TUBGCP6: variants seen among roughly 807,000 people sequenced by gnomAD.
TUBGCP6 encodes gamma-tubulin complex component 6.
TUBGCP6 carries 161 observed loss-of-function variants against 175.8 expected under a neutral mutation model. The observed-to-expected ratio is 0.92, with a 90% confidence interval of 0.81 to 1.04. The LOEUF (loss-of-function observed/expected upper bound fraction) is 1.04, where lower values mean the gene tolerates loss of function less well. Among genes scored for constraint, TUBGCP6 ranks in the 50% least tolerant of loss-of-function variants. The probability of loss-of-function intolerance (pLI) is 0.00; values close to 1 mark genes in which losing one functional copy is unlikely to be tolerated. For synonymous variants in TUBGCP6, 1,173 were observed against 1,030.5 expected (o/e 1.14, Z -2.65); for missense variants, 2,572 against 2,433.0 (o/e 1.06, Z -1.20).
chr22:50,220,014 G>A lies in TUBGCP6; in HGVS notation c.4110C>T (p.Gly1370=), dbSNP rs2064489367. ...CCTCAGTGTCCCCGCTCCTCCCAGG[G>A]CCTGTGTGGACACAAGTGGACACGA... ...TPGDSVSEEL[G]PGRSGDTEDL... is the part of the protein sequence containing the mutation. Residue 1370 remains glycine (G), a splice_region_variant and synonymous_variant, in exon 17 of 25, where the codon GGC becomes GGT. Coordinates refer to ENST00000248846, the MANE Select transcript of TUBGCP6 (RefSeq NM_020461.4). The A allele has an allele frequency of 6.2e-7, 1 of 1,613,372 alleles. No individual in the cohort carries two copies. The highest frequency in any genetic ancestry group is 1.3e-5 in the African/African-American group (1 of 74,900).
rs766219055 is a variant in TUBGCP6 at position 50,218,570 on chromosome 22, G to A, written c.4872C>T (p.Tyr1624=). The A allele has an allele frequency of 1.9e-6, 3 of 1,613,690 alleles. No homozygotes were observed. Among genetic ancestry groups the A allele is most frequent in the African/African-American group, 2.7e-5 (2 of 74,888 alleles). ...GCAGCAGGAAGGAGAAGACGCCGCTGTACTTGCTCACGCAGCCCTCGGTGA... is the reference window on the plus strand; with the variant it reads ...GCAGCAGGAAGGAGAAGACGCCGCTATACTTGCTCACGCAGCCCTCGGTGA... ...IVITEGCVSK[Y]SGVFSFLLQL... The change falls in exon 22 of 25, where the codon TAC becomes TAT. Residue 1624 remains tyrosine (Y), a synonymous_variant. Transcript: ENST00000248846.
chr22:50,221,588 G>C lies in TUBGCP6; in HGVS notation c.2771C>G (p.Thr924Ser), dbSNP rs1210830269. The C allele has an allele frequency of 1.5e-5, 24 of 1,573,674 alleles. No individual in the cohort carries two copies. Among genetic ancestry groups the C allele is most frequent in the Non-Finnish European group, 2.0e-5 (23 of 1,157,770 alleles). ...TGAGGGGGGCAGGTCCAAGTTAATG[G>C]TCTGCAGCGCCACCTCCAGGAGAGG... The part of the protein sequence containing the change: ...MVPLLEVALQ[T>S]INLDLPPSAP... The change falls in exon 16 of 25, where the codon ACC becomes AGC. Residue 924 changes from threonine to serine, a missense_variant. Transcript: ENST00000248846.
Position 50,233,477 on chromosome 22 carries a change from C to T in TUBGCP6, c.955G>A (p.Ala319Thr), listed in dbSNP as rs752206409. The change falls in exon 3 of 25, where the codon GCT becomes ACT. Residue 319 changes from alanine to threonine, a missense_variant. Ala to Thr is a moderately conservative substitution (Grantham distance 58). Transcript: ENST00000248846. Reference protein sequence around the residue: ...EPYLTEAGRDAFDKFCRLHQG... With the variant: ...EPYLTEAGRDTFDKFCRLHQG... The stretch of plus-strand genomic sequence containing the variant: ...TGGAGCCTGCAGAACTTGTCGAAAG[C>T]GTCCCTTCCCGCCTCCGTCAGGTAA... 8.7e-6 allele frequency: 14 copies of T among 1,611,774 alleles called. No individual in the cohort carries two copies. The highest frequency in any genetic ancestry group is 4.5e-5 in the East Asian group (2 of 44,806).
rs978415680 is a variant in TUBGCP6 at position 50,244,320 on chromosome 22, G to C, written c.140C>G (p.Thr47Arg). 5 of 1,613,506 alleles carry C rather than the reference G, an allele frequency of 3.1e-6. No homozygotes were observed. Among genetic ancestry groups the C allele is most frequent in the Admixed American group, 3.3e-5 (2 of 60,010 alleles). ...LKKVAYNALF[T>R]NLFQDETQQL... ...TTGAGTCTCATCTTGAAAAAGATTT[G>C]TGAAAAGAGCATTGTAGGCCACCTT... Residue 47 changes from threonine to arginine, a missense_variant, in exon 1 of 25, where the codon ACA (threonine) becomes AGA (arginine). Thr to Arg is a moderately conservative substitution (Grantham distance 71, BLOSUM62 -1). Coordinates refer to ENST00000248846, the MANE Select transcript of TUBGCP6 (RefSeq NM_020461.4).
rs2064508031 is a variant in TUBGCP6, at chr22:50,220,840, C to T, written c.3519G>A (p.Glu1173=). 6.2e-7 allele frequency: 1 copy of T among 1,602,886 alleles called. No homozygotes were observed. The highest frequency in any genetic ancestry group is 8.5e-7 in the Non-Finnish European group (1 of 1,174,624). The change falls in exon 16 of 25, where the codon GAG becomes GAA. Residue 1173 remains glutamate, a synonymous_variant. Transcript: ENST00000248846. The part of the protein sequence containing the change: ...HVSDASISLG[E]SVSDMAPARP... ...GGGCGGGAGCCATGTCTGACACAGA[C>T]TCCCCCAAGCTGATGCTGGCATCGG... is the stretch of plus-strand genomic sequence containing the variant.
chr22:50,228,669 C>A (rs2064650186), intron 4 of TUBGCP6, among the ~76,000 whole-genome samples: 1 of 152,116 alleles, frequency 6.6e-6, no homozygotes, highest in Non-Finnish European at 1.5e-5. Flanking sequence ...GCTCTCAAGT[C>A]CCCCGGGGCT....
At chr22:50,239,525 C>T (rs1448977664) in intron 2 of TUBGCP6, among the ~76,000 whole-genome samples, 1 of 152,192 alleles carries the variant, frequency 6.6e-6, no homozygotes, top group East Asian at 1.9e-4. Context: ...AAAGATACCA[C>T]CACATTAAAG....
chr22:50,228,103 G>A, intron 4 of TUBGCP6, 75 bp from the exon 5 acceptor site: 1 of 1,437,852 alleles, frequency 7.0e-7, no homozygotes, highest in Non-Finnish European at 9.2e-7. Context: ...AGGGGCACCA[G>A]TGCTGGGAAC....
Position 50,244,072 on chromosome 22 carries a change from G to C in TUBGCP6, c.388C>G (p.Arg130Gly). 6.2e-7 allele frequency: 1 copy of C among 1,613,952 alleles called. No homozygotes were observed. The highest frequency in any genetic ancestry group is 8.5e-7 in the Non-Finnish European group (1 of 1,180,016). ...SGPPQVLPRK[R>G]DYFLNNKHVG... ...TGCTTGTTGTTAAGGAAGTAGTCTC[G>C]TTTTCTCGGCAGAACTTGAGGGGGA... is the stretch of plus-strand genomic sequence containing the variant. The change falls in exon 1 of 25, where the codon CGA becomes GGA. Residue 130 changes from arginine (R) to glycine (G), a missense_variant. Coordinates refer to ENST00000248846, the MANE Select transcript of TUBGCP6 (RefSeq NM_020461.4).
chr22:50,238,580 C>T (rs2064805013), intron 2 of TUBGCP6, among the ~76,000 whole-genome samples: 1 of 147,708 alleles, frequency 6.8e-6, no homozygotes, highest in Admixed American at 6.7e-5. Flanking sequence ...CTCTGTCACC[C>T]AGGCTGGAGT....
In TUBGCP6 at chr22:50,220,429, T is replaced by C; in HGVS notation, c.3930A>G (p.Ala1310=). The stretch of plus-strand genomic sequence containing the variant: ...GCCCACAGTCCAGCACAGTGCTCTG[T>C]GCTCCCAGGCTGAGCGCTGACTGGG... ...HTSQSALSLG[A]QSTVLDCGPR... is the part of the protein sequence containing the mutation. Residue 1310 remains alanine, a synonymous_variant, in exon 16 of 25, where the codon GCA becomes GCG. Coordinates refer to ENST00000248846, the MANE Select transcript of TUBGCP6 (RefSeq NM_020461.4). 4 of 1,610,136 alleles carry C rather than the reference T, an allele frequency of 2.5e-6. No homozygotes were observed. Among genetic ancestry groups the C allele is most frequent in the Non-Finnish European group, 3.4e-6 (4 of 1,178,580 alleles).
chr22:50,222,556 T>G lies in TUBGCP6; in HGVS notation c.2307A>C (p.Ala769=). The change falls in exon 14 of 25, where the codon GCA becomes GCC. Residue 769 remains alanine, a synonymous_variant. Coordinates refer to ENST00000248846, the MANE Select transcript of TUBGCP6 (RefSeq NM_020461.4). ...CCTTCTGCTCCCGACGAGCTGCCTC[T>G]GCAGAGAGCTTGCTGTAGTGGTCGA... The part of the protein sequence containing the change: ...ALVDHYSKLS[A]EAARREQKAL... 6.2e-7 allele frequency: 1 copy of G among 1,613,184 alleles called. No individual in the cohort carries two copies. The highest frequency in any genetic ancestry group is 8.5e-7 in the Non-Finnish European group (1 of 1,180,032).
Position 50,221,081 on chromosome 22 carries a change from G to C in TUBGCP6, c.3278C>G (p.Ser1093Cys). The C allele has an allele frequency of 1.9e-6, 3 of 1,609,356 alleles. No homozygotes were observed. Among genetic ancestry groups the C allele is most frequent in the African/African-American group, 2.7e-5 (2 of 73,168 alleles). The change falls in exon 16 of 25, where the codon TCT (serine) becomes TGT (cysteine). Residue 1093 changes from serine to cysteine, a missense_variant. Physicochemically the swap from Ser to Cys is moderately radical, Grantham distance 112 (BLOSUM62 -1). Coordinates refer to ENST00000248846, the MANE Select transcript of TUBGCP6 (RefSeq NM_020461.4). ...VSNASISLGE[S>C]VSDVAPTRPR... ...CCGAGTGGGAGCCACATCTGACACAGACTCCCCTAAGCTGATGCTGGCATT... is the reference window on the plus strand; with the variant it reads ...CCGAGTGGGAGCCACATCTGACACACACTCCCCTAAGCTGATGCTGGCATT...
At chr22:50,239,100 C>A (rs982763804) in intron 2 of TUBGCP6, among the ~76,000 whole-genome samples, 1 of 152,228 alleles carries the variant, frequency 6.6e-6, no homozygotes, top group African/African-American at 2.4e-5. Flanking sequence ...CAAACCGATA[C>A]CCACAGGATC....
At chr22:50,227,837 C>G in intron 5 of TUBGCP6, 70 bp downstream of exon 5, 1 of 1,539,380 alleles carries the variant, frequency 6.5e-7, no homozygotes, top group Non-Finnish European at 8.8e-7. Context: ...CAGGGCAAAC[C>G]CTCCACCACC....
Position 50,219,052 on chromosome 22 carries a change from C to T in TUBGCP6, c.4626+16G>A, listed in dbSNP as rs766398798. Reference sequence around the variant, plus strand: ...CTCCCCTCTACCACTGGCCCCACCCCGTGTCCGGAGGCCACCTTCTCAAAG... The same window carrying T: ...CTCCCCTCTACCACTGGCCCCACCCTGTGTCCGGAGGCCACCTTCTCAAAG... On this transcript the variant is annotated intron_variant, in intron 20 of 24. Coordinates refer to ENST00000248846, the MANE Select transcript of TUBGCP6 (RefSeq NM_020461.4). 3.1e-5 allele frequency: 50 copies of T among 1,611,130 alleles called. No individual in the cohort carries two copies. The highest frequency in any genetic ancestry group is 4.1e-5 in the Non-Finnish European group (48 of 1,179,762).
rs368449236 is a variant in TUBGCP6, at chr22:50,221,813, T to C, written c.2546A>G (p.Glu849Gly). The change falls in exon 16 of 25, where the codon GAG becomes GGG. Residue 849 changes from glutamate to glycine, a missense_variant. Physicochemically the swap from Glu to Gly is moderately conservative, Grantham distance 98 (BLOSUM62 -2). Coordinates refer to ENST00000248846, the MANE Select transcript of TUBGCP6 (RefSeq NM_020461.4). ...GCCATCCCAGGCAGGCGAGTGTTGC[T>C]CTGCAGACCCAGAATCACAGCCTTG... Reference protein sequence around the residue: ...GGQGCDSGSAEQHSPAWDGWN... With the variant: ...GGQGCDSGSAGQHSPAWDGWN... The C allele has an allele frequency of 7.3e-5, 111 of 1,511,256 alleles. No individual in the cohort carries two copies. The highest frequency in any genetic ancestry group is 9.3e-5 in the Non-Finnish European group (105 of 1,130,024). 93.6% of individuals were successfully genotyped at this position (1,511,256 alleles called of 1,614,324 possible).
At position 50,244,611 on chromosome 22, in the gene TUBGCP6, AAGG is replaced by A. The variant is rs995630596; in HGVS notation, c.-155_-153del. ...CGAAGCTCAGAACTGGTATTTTTTA[AAGG>A]AGGTCTTGCGGTTGCTCTACTCAGA... On this transcript the variant is annotated 5_prime_UTR_variant, in exon 1 of 25. Transcript: ENST00000248846. 7 of 1,304,868 alleles carry A rather than the reference AAGG, an allele frequency of 5.4e-6. No individual in the cohort carries two copies. In the African/African-American group the frequency reaches 6.0e-5, roughly 11 times the overall value. 80.8% of individuals were successfully genotyped at this position (1,304,868 alleles called of 1,614,324 possible).
At chr22:50,220,124 C>G (rs574481698) in intron 16 of TUBGCP6, 109 bp from the exon 17 acceptor site, 19 of 1,549,018 alleles carry the variant, frequency 1.2e-5, no homozygotes, top group Admixed American at 1.9e-5. Context: ...CCCACAGCAG[C>G]CCAGGTCCTG....
Sources: allele counts gnomAD v4.1 joint callset (sites outside exome capture counted in the v4.1 genomes callset), GRCh38; gene constraint gnomAD v4.1.1; transcripts MANE v1.5; gene names NCBI Gene and HGNC (gene_info 2026-07-23, HGNC 2026-07-21).